Variants in TWF2 observed in about 807,000 individuals in gnomAD.
The protein encoded by TWF2 is twinfilin actin binding protein 2.
Under a neutral mutation model 45.1 loss-of-function variants are expected in TWF2, and 15 were observed. That is an observed-to-expected ratio of 0.33 (90% CI 0.22 to 0.51). The LOEUF is 0.51. TWF2 is among the 20% of genes least tolerant of loss of function. The pLI is 0.97. For synonymous variants in TWF2, 177 were observed against 195.8 expected (o/e 0.90, Z 0.80); for missense variants, 423 against 469.1 (o/e 0.90, Z 0.91).
Position 52,231,080 on chromosome 3 carries a change from G to A in TWF2, c.483+47C>T, listed in dbSNP as rs202123587. ...AGGCAGCACAGGCTGCCACTGGGCC[G>A]ATATGACCCTGAGGGCTCAAGGCTG... On this transcript the variant is annotated intron_variant, in intron 5 of 8. Coordinates refer to ENST00000305533, the MANE Select transcript of TWF2 (RefSeq NM_007284.4). The A allele has an allele frequency of 4.8e-5, 77 of 1,612,594 alleles. No individual in the cohort carries two copies. The African/African-American group carries it at 5.9e-4, about 12-fold the overall frequency.
At chr3:52,229,310 G>C in intron 8 of TWF2, 109 bp from the exon 9 acceptor site, 3 of 1,391,506 alleles carry the variant, frequency 2.2e-6, no homozygotes, top group Non-Finnish European at 2.9e-6. Context: ...CTAGCCCTGG[G>C]GTCTCCTGAG....
intron 1 of TWF2, among the ~76,000 whole-genome samples, chr3:52,237,105 C>T (rs970100427): frequency 6.6e-6 from 1 of 152,176 alleles, no homozygotes; most frequent in African/African-American, 2.4e-5. Flanking sequence ...CCTGCCCAGA[C>T]CTTCCCAGAA....
Position 52,229,760 on chromosome 3 carries a change from C to A in TWF2, c.783G>T (p.Gly261=), listed in dbSNP as rs766387538. The change falls in exon 8 of 9, where the codon GGG becomes GGT. Residue 261 remains glycine, a synonymous_variant. Transcript: ENST00000305533. ...TTCGCTCCTTGATGCTGCACTTGTACCCCGGCATGGAGTAGATGAACACTG... is the reference window on the plus strand; with the variant it reads ...TTCGCTCCTTGATGCTGCACTTGTAACCCGGCATGGAGTAGATGAACACTG... ...ESVVFIYSMP[G]YKCSIKERML... is the part of the protein sequence containing the mutation. 8 of 1,612,790 alleles carry A rather than the reference C, an allele frequency of 5.0e-6. No homozygotes were observed. In the East Asian group the frequency reaches 8.9e-5, roughly 18 times the overall value.
intron 1 of TWF2, among the ~76,000 whole-genome samples, chr3:52,237,592 G>A (rs1677071474): frequency 6.6e-6 from 1 of 152,202 alleles, no homozygotes; most frequent in African/African-American, 2.4e-5. Context: ...AACTTCCTGG[G>A]ATCTCCTCCA....
At chr3:52,234,983 AG>A in intron 2 of TWF2, 45 bp downstream of exon 2, 1 of 1,602,418 alleles carries the variant, frequency 6.2e-7, no homozygotes, top group Non-Finnish European at 8.5e-7. Flanking sequence ...CAGAGGCAGC[AG>A]AGTCCACCCC....
intron 3 of TWF2, 149 bp downstream of exon 3, chr3:52,231,795 C>A: frequency 8.2e-7 from 1 of 1,213,596 alleles, no homozygotes; most frequent in Non-Finnish European, 1.1e-6. Context: ...ACTTGACCCT[C>A]TCTCAGACTC....
chr3:52,238,623 ACACAAGCGAGTCACATCCAGAGGTG>A (rs1194152622), intron 1 of TWF2, among the ~76,000 whole-genome samples: 1 of 152,226 alleles, frequency 6.6e-6, no homozygotes, highest in African/African-American at 2.4e-5. Flanking sequence ...CCCTAGATGT[ACACAAGCGAGTCACATCCAGAGGTG>A]CACAGGCAGG....
In TWF2 at chr3:52,228,776, G is replaced by T. The variant is rs1442439013; in HGVS notation, c.*258C>A. The T allele has an allele frequency of 7.5e-6, 4 of 536,174 alleles. No individual in the cohort carries two copies. In the East Asian group the frequency reaches 1.4e-4, roughly 18 times the overall value. The allele number at this position is 536,174 out of a possible 1,614,324, so 33.2% of individuals were successfully genotyped here. A position where few individuals can be genotyped will look rare whatever the true frequency, so the allele number is the denominator to read the frequency against. On this transcript the variant is annotated 3_prime_UTR_variant, in exon 9 of 9. Coordinates refer to ENST00000305533, the MANE Select transcript of TWF2 (RefSeq NM_007284.4). ...CCCCGGGAGGCCAGGTTCATGCCAG[G>T]CCCCTGACCCAGCCCCCTTAAGCCA... is the stretch of plus-strand genomic sequence containing the variant.
In TWF2 at chr3:52,229,195, T is replaced by A; in HGVS notation, c.889A>T (p.Ile297Phe). 1 of 1,611,050 alleles carries A rather than the reference T, an allele frequency of 6.2e-7. No individual in the cohort carries two copies. The highest frequency in any genetic ancestry group is 8.5e-7 in the Non-Finnish European group (1 of 1,179,906). The change falls in exon 9 of 9, where the codon ATT becomes TTT. Residue 297 changes from isoleucine to phenylalanine, a missense_variant. Ile to Phe is a conservative substitution (Grantham distance 21). Coordinates refer to ENST00000305533, the MANE Select transcript of TWF2 (RefSeq NM_007284.4). ...GCCGTCAGCTCTGCCCCATCGCCAA[T>A]CTCAATCTGCATGGGGCAAGGCAGT... Reference protein sequence around the residue: ...FHLEIAKKIEIGDGAELTAEF... With the variant: ...FHLEIAKKIEFGDGAELTAEF...
chr3:52,233,468 C>A (rs887935272), intron 2 of TWF2, among the ~76,000 whole-genome samples: 30 of 152,222 alleles, frequency 2.0e-4, no homozygotes, highest in Admixed American at 1.3e-4. Flanking sequence ...AATTCTCAGC[C>A]TCTCTAGAAA....
Position 52,229,793 on chromosome 3 carries a change from G to C in TWF2, c.761-11C>G, listed in dbSNP as rs758753199. The C allele has an allele frequency of 6.2e-7, 1 of 1,607,556 alleles. No homozygotes were observed. Among genetic ancestry groups the C allele is most frequent in the East Asian group, 2.2e-5 (1 of 44,708 alleles). On this transcript the variant is annotated splice_polypyrimidine_tract_variant and intron_variant, in intron 7 of 8. Coordinates refer to ENST00000305533, the MANE Select transcript of TWF2 (RefSeq NM_007284.4). ...TGGAGTAGATGAACACTGTTGGGGG[G>C]CAGGAGGTGAGCCTGGGAGGCCTGA...
intron 1 of TWF2, 44 bp from the exon 2 acceptor site, chr3:52,235,150 G>A (rs1280955392): frequency 6.3e-7 from 1 of 1,598,640 alleles, no homozygotes; most frequent in East Asian, 2.2e-5. Context: ...GGGCAGAGTG[G>A]ACAGAGACGA....
rs1699651431 is a variant in TWF2 at position 52,229,008 on chromosome 3, C to T, written c.*26G>A. 1 of 1,605,018 alleles carries T rather than the reference C, an allele frequency of 6.2e-7. No homozygotes were observed. The highest frequency in any genetic ancestry group is 1.1e-5 in the South Asian group (1 of 90,044). Reference sequence around the variant, plus strand: ...GGAAGGTGGGCAGCCCCACAGTCCACACGTGGCCGGCCCTGCTCCAGCCTC... The same window carrying T: ...GGAAGGTGGGCAGCCCCACAGTCCATACGTGGCCGGCCCTGCTCCAGCCTC... On this transcript the variant is annotated 3_prime_UTR_variant, in exon 9 of 9. Transcript: ENST00000305533.
At chr3:52,237,687 G>A (rs1431977014) in intron 1 of TWF2, among the ~76,000 whole-genome samples, 2 of 152,202 alleles carry the variant, frequency 1.3e-5, no homozygotes, top group Admixed American at 1.3e-4. Context: ...CCTCCTGTGG[G>A]GCTGAGTCAT....
chr3:52,229,577 G>T, intron 8 of TWF2, 84 bp downstream of exon 8: 1 of 1,562,670 alleles, frequency 6.4e-7, no homozygotes, highest in Non-Finnish European at 8.7e-7. Flanking sequence ...TTCCTGCTCT[G>T]CCGTCATCTC....
At position 52,229,880 on chromosome 3, in the gene TWF2, A is replaced by T. The variant is rs199663186; in HGVS notation, c.760+40T>A. 5.0e-6 allele frequency: 8 copies of T among 1,591,540 alleles called. No homozygotes were observed. The South Asian group carries it at 8.9e-5, about 18-fold the overall frequency. ...CCCACTGCAGACCAGCCCTGCTCCC[A>T]CCCAGCCACAGGCTTGGGAGCCCTG... is the stretch of plus-strand genomic sequence containing the variant. On this transcript the variant is annotated intron_variant, in intron 7 of 8. Coordinates refer to ENST00000305533, the MANE Select transcript of TWF2 (RefSeq NM_007284.4).
At chr3:52,229,893 C>A (rs892844985) in intron 7 of TWF2, 27 bp downstream of exon 7, 2 of 1,599,064 alleles carry the variant, frequency 1.3e-6, no homozygotes, top group Non-Finnish European at 8.5e-7. Flanking sequence ...CAGCCACAGG[C>A]TTGGGAGCCC....
chr3:52,228,676 C>T lies in TWF2; in HGVS notation c.*358G>A, dbSNP rs1699648021. On this transcript the variant is annotated 3_prime_UTR_variant, in exon 9 of 9. Coordinates refer to ENST00000305533, the MANE Select transcript of TWF2 (RefSeq NM_007284.4). Reference sequence around the variant, plus strand: ...TCAACCATCCCAAACTGCAGTGACCCCTGCCCCAGCCCTGACTGACCCCAC... The same window carrying T: ...TCAACCATCCCAAACTGCAGTGACCTCTGCCCCAGCCCTGACTGACCCCAC... The T allele has an allele frequency of 3.6e-6, 1 of 281,036 alleles. No homozygotes were observed. Among genetic ancestry groups the T allele is most frequent in the Non-Finnish European group, 6.7e-6 (1 of 148,806 alleles). 17.4% of individuals were successfully genotyped at this position (281,036 alleles called of 1,614,324 possible).
chr3:52,231,518 C>T lies in TWF2; in HGVS notation c.304G>A (p.Ala102Thr), dbSNP rs538722603. The change falls in exon 4 of 9, where the codon GCG becomes ACG. Residue 102 changes from alanine (A) to threonine (T), a missense_variant. Physicochemically the swap from Ala to Thr is moderately conservative, Grantham distance 58. Transcript: ENST00000305533. ...TTTTTCACTGTGGCCCGCGTGGCCG[C>T]GTACAGCATCTTCAGCCGCACCTGA... ...NSPVRLKMLY[A>T]ATRATVKKEF... 3 of 1,613,628 alleles carry T rather than the reference C, an allele frequency of 1.9e-6. No individual in the cohort carries two copies. Among genetic ancestry groups the T allele is most frequent in the South Asian group, 1.1e-5 (1 of 91,080 alleles).
Sources: gnomAD v4.1 joint callset for allele counts (sites outside exome capture counted in the v4.1 genomes callset) on GRCh38, gnomAD v4.1.1 for gene constraint, MANE v1.5 for transcripts, NCBI Gene and HGNC (gene_info 2026-07-23, HGNC 2026-07-21) for gene names.